AKAP6: variants seen among roughly 807,000 people sequenced by gnomAD.
The protein encoded by AKAP6 is A-kinase anchor protein 6.
AKAP6 carries 58 observed loss-of-function variants against 188.5 expected under a neutral mutation model. That is an observed-to-expected ratio of 0.31 (90% CI 0.25 to 0.38). AKAP6 has a LOEUF of 0.38. AKAP6 is among the 10% of genes least tolerant of loss of function. AKAP6 has a pLI of 1.00. For missense variants in AKAP6, 2,710 were observed against 2,740.0 expected (o/e 0.99, Z 0.24); for synonymous variants, 989 against 998.6 (o/e 0.99, Z 0.18).
chr14:32,750,751 G>GTT (rs1555359067), intron 11 of AKAP6, among the ~76,000 whole-genome samples: 8 of 79,906 alleles, frequency 1.0e-4, no homozygotes, highest in East Asian at 2.7e-4. Context: ...TTTTTTTTTT[G>GTT]TTTTTTTTTC....
Position 32,629,020 on chromosome 14 carries a change from C to T in AKAP6, c.2730+28228C>T, listed in dbSNP as rs543894691. Among the ~76,000 whole-genome samples, 71 of 152,084 alleles carry T rather than the reference C, an allele frequency of 4.7e-4. 1 individual carries two copies. The highest frequency in any genetic ancestry group is 1.6e-3 in the African/African-American group (66 of 41,502). ...TCTTAGAGAAATGGGAGGGATGTGC[C>T]GTTTGAGGAGGGAATCTTCTATTAC... On this transcript the variant is annotated intron_variant, in intron 7 of 13. Coordinates refer to ENST00000280979, the MANE Select transcript of AKAP6 (RefSeq NM_004274.5).
Position 32,404,691 on chromosome 14 carries a change from G to GATATATATAT in AKAP6, c.-34-28758_-34-28749dup, listed in dbSNP as rs55702209. The stretch of plus-strand genomic sequence containing the variant: ...AGAGTGGGGTTATGAGGAGTCAGGA[G>GATATATATAT]ATATATATATATATATATATTAGTC... On this transcript the variant is annotated intron_variant, in intron 1 of 13. Transcript: ENST00000280979. Among the ~76,000 whole-genome samples, 289 of 44,424 alleles carry GATATATATAT rather than the reference G, an allele frequency of 6.5e-3. 32 individuals carry two copies. Among genetic ancestry groups the GATATATATAT allele is most frequent in the African/African-American group, 0.015 (205 of 13,988 alleles). 29.1% of individuals were successfully genotyped at this position (44,424 alleles called of 152,430 possible).
chr14:32,818,413 C>T (rs2034440587), intron 12 of AKAP6, among the ~76,000 whole-genome samples: 1 of 152,030 alleles, frequency 6.6e-6, no homozygotes. Flanking sequence ...ATATAACCTA[C>T]AGTCATCCTC....
At chr14:32,335,842 C>CTTTTTTTTT (rs375076849) in intron 1 of AKAP6, among the ~76,000 whole-genome samples, 229 of 93,972 alleles carry the variant, frequency 2.4e-3, no homozygotes, top group Non-Finnish European at 3.2e-3. Context: ...TCCTTTTCTC[C>CTTTTTTTTT]TTTTTTTTTT....
chr14:32,431,108 A>AC (rs1311084245), intron 1 of AKAP6, among the ~76,000 whole-genome samples: 1 of 151,950 alleles, frequency 6.6e-6, no homozygotes, highest in Admixed American at 6.6e-5. Context: ...CCATCTCAAA[A>AC]AAAAAAAAAT....
chr14:32,625,773 G>A (rs7154753), intron 7 of AKAP6, among the ~76,000 whole-genome samples: 96,034 of 151,938 alleles, frequency 0.63, 31,461 homozygotes, highest in East Asian at 0.94. Flanking sequence ...AGCTGTGTGT[G>A]GAACATTTCT....
intron 4 of AKAP6, among the ~76,000 whole-genome samples, chr14:32,549,196 A>G (rs1883341735): frequency 6.6e-6 from 1 of 152,196 alleles, no homozygotes; most frequent in Non-Finnish European, 1.5e-5. Flanking sequence ...TCTGCTCCAG[A>G]GCCCATATTA....
chr14:32,745,523 GTC>G (rs1487976212), intron 11 of AKAP6, among the ~76,000 whole-genome samples: 11 of 136,544 alleles, frequency 8.1e-5, no homozygotes, highest in Admixed American at 4.4e-4. Flanking sequence ...CTCTCTGTCT[GTC>G]TCTCTCTCTG....
chr14:32,358,403 A>C, intron 1 of AKAP6, among the ~76,000 whole-genome samples: 1 of 152,234 alleles, frequency 6.6e-6, no homozygotes, highest in East Asian at 1.9e-4. Flanking sequence ...TGTTCTTGGC[A>C]TAAAAATGAA....
chr14:32,776,603 AT>A (rs1377786591), intron 12 of AKAP6, among the ~76,000 whole-genome samples: 1 of 152,228 alleles, frequency 6.6e-6, no homozygotes, highest in Non-Finnish European at 1.5e-5. Context: ...ACAAATAAGT[AT>A]TTGCTGAATG....
intron 9 of AKAP6, among the ~76,000 whole-genome samples, chr14:32,727,236 T>C (rs183672808): frequency 6.6e-6 from 1 of 152,326 alleles, no homozygotes; most frequent in East Asian, 1.9e-4. Flanking sequence ...CTTGGCGTCC[T>C]TATGCAGTAT....
At chr14:32,352,601 T>A (rs1887326388) in intron 1 of AKAP6, among the ~76,000 whole-genome samples, 1 of 152,204 alleles carries the variant, frequency 6.6e-6, no homozygotes, top group South Asian at 2.1e-4. Context: ...CACCATTCTA[T>A]GCTGTACTTC....
intron 1 of AKAP6, among the ~76,000 whole-genome samples, chr14:32,337,474 C>T (rs1886742560): frequency 6.6e-6 from 1 of 152,022 alleles, no homozygotes; most frequent in Non-Finnish European, 1.5e-5. Flanking sequence ...GATATGATTC[C>T]TCTGAGAACA....
intron 1 of AKAP6, among the ~76,000 whole-genome samples, chr14:32,397,322 T>C (rs1460264039): frequency 6.6e-6 from 1 of 152,050 alleles, no homozygotes; most frequent in East Asian, 1.9e-4. Flanking sequence ...TCAAAGCAGG[T>C]TGAGTAGGTA....
At chr14:32,689,611 G>T (rs1027772261) in intron 8 of AKAP6, among the ~76,000 whole-genome samples, 1 of 152,008 alleles carries the variant, frequency 6.6e-6, no homozygotes, top group African/African-American at 2.4e-5. Flanking sequence ...GAGTGGAAAG[G>T]GATTGTACAT....
chr14:32,788,546 TG>T (rs1275014977), intron 12 of AKAP6, among the ~76,000 whole-genome samples: 2 of 152,180 alleles, frequency 1.3e-5, no homozygotes, highest in African/African-American at 2.4e-5. Context: ...ACAGCCCACC[TG>T]GGAGTGGCAC....
At chr14:32,733,937 T>A (rs1270394181) in intron 10 of AKAP6, 1 of 152,166 alleles carries the variant, frequency 6.6e-6, no homozygotes, top group African/African-American at 2.4e-5. Context: ...CATTGGTAAT[T>A]TGATAAATAA....
chr14:32,411,467 TG>T (rs1347728132), intron 1 of AKAP6, among the ~76,000 whole-genome samples: 1 of 152,162 alleles, frequency 6.6e-6, no homozygotes, highest in African/African-American at 2.4e-5. Flanking sequence ...CCTTCAACAT[TG>T]GTATCCTTTA....
At chr14:32,515,539 C>CA (rs1881477405) in intron 2 of AKAP6, among the ~76,000 whole-genome samples, 1 of 151,944 alleles carries the variant, frequency 6.6e-6, no homozygotes, top group Non-Finnish European at 1.5e-5. Flanking sequence ...GTGGAGTACA[C>CA]AAAATAAAAG....
Sources: gnomAD v4.1 joint callset for allele counts (sites outside exome capture counted in the v4.1 genomes callset) on GRCh38, gnomAD v4.1.1 for gene constraint, MANE v1.5 for transcripts, NCBI Gene and HGNC (gene_info 2026-07-23, HGNC 2026-07-21) for gene names.